Variants in DENND4A observed in about 807,000 individuals in gnomAD.
DENND4A encodes the protein DENN domain containing 4A.
In DENND4A, 70 loss-of-function variants were observed where a neutral mutation model predicts 199.3. The observed-to-expected ratio is 0.35, with a 90% CI of 0.29 to 0.43. The LOEUF is 0.43. DENND4A is among the 20% of genes least tolerant of loss of function. DENND4A has a pLI of 1.00. For missense variants in DENND4A, 1,723 were observed against 2,255.8 expected, an observed-to-expected ratio of 0.76 and a Z score of 4.78; for synonymous variants, 686 against 766.9, an observed-to-expected ratio of 0.89 and a Z score of 1.74.
chr15:65,756,144 G>T lies in DENND4A; in HGVS notation c.307C>A (p.Leu103Met). The T allele has an allele frequency of 6.2e-7, 1 of 1,602,730 alleles. No homozygotes were observed. The highest frequency in any genetic ancestry group is 8.5e-7 in the Non-Finnish European group (1 of 1,174,642). The change falls in exon 3 of 33, where the codon CTG becomes ATG. Residue 103 changes from leucine (L) to methionine (M), a missense_variant. Around this residue, in one of 6 missense-constraint regions of DENND4A, gnomAD observed 725 missense variants for 952.9 expected, o/e 0.76. Coordinates refer to ENST00000443035, the MANE Select transcript of DENND4A (RefSeq NM_001320835.1). Reference protein sequence around the residue: ...RGRDKPPLTDLGVLYDWKERL... With the variant: ...RGRDKPPLTDMGVLYDWKERL... ...GTCGTTTAAAAAAATACTTACCCCA[G>T]ATCTGTAAGTGGAGGCTTATCTCTT...
chr15:65,663,983 CCTTTT>C (rs1378311373), intron 32 of DENND4A, among the ~76,000 whole-genome samples: 3 of 152,136 alleles, frequency 2.0e-5, no homozygotes, highest in Non-Finnish European at 2.9e-5. Context: ...CCTGACTAGT[CCTTTT>C]CTTGTCAGAT....
At position 65,701,890 on chromosome 15, in the gene DENND4A, C is replaced by G; in HGVS notation, c.2431G>C (p.Val811Leu). ...AGTTGCATAAGAATGCGGTAGCATA[C>G]CTGAAATACAAGTTCAAAATTGTAC... Reference protein sequence around the residue: ...QSKKMDPPDEVCYRILMQLCG... With the variant: ...QSKKMDPPDELCYRILMQLCG... Residue 811 changes from valine to leucine, a missense_variant and splice_region_variant, in exon 18 of 33, where the codon GTA becomes CTA. Physicochemically the swap from Val to Leu is conservative, Grantham distance 32 (BLOSUM62 1). Transcript: ENST00000443035. 1 of 1,613,558 alleles carries G rather than the reference C, an allele frequency of 6.2e-7. No individual in the cohort carries two copies. The highest frequency in any genetic ancestry group is 8.5e-7 in the Non-Finnish European group (1 of 1,179,710).
intron 2 of DENND4A, among the ~76,000 whole-genome samples, chr15:65,760,367 G>A (rs552956260): frequency 4.6e-5 from 7 of 152,078 alleles, no homozygotes; most frequent in African/African-American, 1.2e-4. Context: ...GCATGGTGGC[G>A]CACGCCTGTA....
At chr15:65,753,171 C>A (rs1015265985) in intron 3 of DENND4A, among the ~76,000 whole-genome samples, 1 of 152,034 alleles carries the variant, frequency 6.6e-6, no homozygotes, top group African/African-American at 2.4e-5. Flanking sequence ...GGGGTAAAAT[C>A]ATAGGCTTTT....
chr15:65,725,689 T>TAA (rs11392836), intron 11 of DENND4A, among the ~76,000 whole-genome samples: 10,299 of 121,584 alleles, frequency 0.085, 433 homozygotes, highest in East Asian at 0.19. Context: ...AAAATAAAAA[T>TAA]AAAAAAAATA....
At chr15:65,696,314 C>A in intron 22 of DENND4A, 52 bp downstream of exon 22, 1 of 1,569,138 alleles carries the variant, frequency 6.4e-7, no homozygotes, top group South Asian at 1.2e-5. Context: ...ATTCACTAGT[C>A]ATACAGATAC....
intron 20 of DENND4A, among the ~76,000 whole-genome samples, chr15:65,698,080 C>T (rs578096551): frequency 2.0e-5 from 3 of 152,000 alleles, no homozygotes; most frequent in Admixed American, 2.0e-4. Context: ...AGTGAGACCT[C>T]ATCTCTACTA....
chr15:65,763,684 A>C (rs2076912134), intron 1 of DENND4A, among the ~76,000 whole-genome samples: 1 of 99,460 alleles, frequency 1.0e-5, no homozygotes. Context: ...TGTCTCAAAA[A>C]AAAAAAAAAA....
chr15:65,674,276 A>G (rs549505476), intron 24 of DENND4A, among the ~76,000 whole-genome samples: 1 of 152,320 alleles, frequency 6.6e-6, no homozygotes, highest in South Asian at 2.1e-4. Flanking sequence ...TTCATAAAAG[A>G]TACATACTAT....
At chr15:65,744,629 A>G (rs924674872) in intron 4 of DENND4A, among the ~76,000 whole-genome samples, 3 of 152,002 alleles carry the variant, frequency 2.0e-5, no homozygotes, top group African/African-American at 4.8e-5. Context: ...TGTATTATAT[A>G]TTTTCTTAAC....
intron 1 of DENND4A, among the ~76,000 whole-genome samples, chr15:65,763,799 T>C (rs2076914827): frequency 1.3e-5 from 2 of 151,938 alleles, no homozygotes; most frequent in South Asian, 4.1e-4. Context: ...ATTGTCAGGA[T>C]AGATATATGT....
chr15:65,739,814 T>TCGGAC (rs749049644), intron 5 of DENND4A, among the ~76,000 whole-genome samples: 2 of 152,196 alleles, frequency 1.3e-5, no homozygotes, highest in Non-Finnish European at 2.9e-5. Context: ...CCCATGAGGA[T>TCGGAC]CTATAGTTAA....
intron 14 of DENND4A, among the ~76,000 whole-genome samples, chr15:65,709,043 C>T (rs1381768187): frequency 6.6e-6 from 1 of 152,184 alleles, no homozygotes; most frequent in Non-Finnish European, 1.5e-5. Flanking sequence ...AACAGTATCA[C>T]ACGTCTAATT....
chr15:65,731,476 T>G, intron 9 of DENND4A, 166 bp downstream of exon 9: 1 of 663,822 alleles, frequency 1.5e-6, no homozygotes, highest in Non-Finnish European at 2.8e-6. Flanking sequence ...GTTTCCTTTT[T>G]TCATTAATAA....
intron 11 of DENND4A, chr15:65,725,966 C>A (rs1445602969): frequency 1.3e-5 from 2 of 152,100 alleles, no homozygotes; most frequent in Non-Finnish European, 2.9e-5. Context: ...GCTGTCAGTT[C>A]GCTAGTCTAG....
chr15:65,776,096 C>T (rs888442551), intron 1 of DENND4A, among the ~76,000 whole-genome samples: 1 of 152,006 alleles, frequency 6.6e-6, no homozygotes, highest in Non-Finnish European at 1.5e-5. Context: ...TATGATTATC[C>T]CATTAATATT....
intron 5 of DENND4A, among the ~76,000 whole-genome samples, chr15:65,740,308 G>T (rs922291612): frequency 2.7e-5 from 4 of 150,416 alleles, no homozygotes; most frequent in Non-Finnish European, 5.9e-5. Context: ...GAAAAAAAAA[G>T]AAATATTGAT....
intron 23 of DENND4A, among the ~76,000 whole-genome samples, chr15:65,689,532 T>C (rs1214611301): frequency 6.6e-6 from 1 of 152,194 alleles, no homozygotes; most frequent in South Asian, 2.1e-4. Context: ...GGTTGCAATT[T>C]TGGTCAGGCT....
chr15:65,662,100 G>A, intron 32 of DENND4A, 113 bp from the exon 33 acceptor site: 1 of 815,840 alleles, frequency 1.2e-6, no homozygotes, highest in South Asian at 2.0e-5. Flanking sequence ...AGAAGGAATT[G>A]CTAGGACATT....
Sources: allele counts gnomAD v4.1 joint callset (sites outside exome capture counted in the v4.1 genomes callset), GRCh38; gene constraint gnomAD v4.1.1; regional missense constraint gnomAD v4.1.1; transcripts MANE v1.5; gene names NCBI Gene and HGNC (gene_info 2026-07-23, HGNC 2026-07-21).